The following NAV3 variants were observed in gnomAD, a reference collection of about 807,000 sequenced individuals.
The protein encoded by NAV3 is pore membrane and/or filament interacting like protein 1.
Under a neutral mutation model 244.7 loss-of-function variants are expected in NAV3, and 87 were observed. The ratio of observed to expected loss-of-function variants is 0.36; its 90% CI spans 0.30 to 0.42. The LOEUF (loss-of-function observed/expected upper bound fraction) is 0.42. Among genes scored for constraint, NAV3 ranks in the 20% least tolerant of loss-of-function variants. NAV3 has a pLI of 1.00. For missense variants in NAV3, 2,663 were observed against 2,893.3 expected, an observed-to-expected ratio of 0.92 and a Z score of 1.83; for synonymous variants, 1,126 against 1,042.2, an observed-to-expected ratio of 1.08 and a Z score of -1.55.
chr12:77,632,762 T>C (rs1871971725), intron 2 of NAV3, among the ~76,000 whole-genome samples: 1 of 152,190 alleles, frequency 6.6e-6, no homozygotes, highest in African/African-American at 2.4e-5. Context: ...AATACACCAA[T>C]TTTTGTCTTT....
chr12:78,210,824 G>T lies in NAV3; in HGVS notation c.*307G>T. ...AGATTGCACATGGGATAGCCAAACT[G>T]GACTTTCTTTGTTTCCTCTTTAAAA... On this transcript the variant is annotated 3_prime_UTR_variant, in exon 40 of 40. Transcript: ENST00000397909. 3.5e-6 allele frequency: 1 copy of T among 285,526 alleles called. No homozygotes were observed. The allele number at this position is 285,526 out of a possible 1,614,324, so 17.7% of individuals were successfully genotyped here.
chr12:78,081,293 T>C (rs943850045), intron 12 of NAV3, among the ~76,000 whole-genome samples: 1 of 152,214 alleles, frequency 6.6e-6, no homozygotes, highest in Non-Finnish European at 1.5e-5. Context: ...GGCACTCTTA[T>C]GCCTTTTATG....
intron 2 of NAV3, among the ~76,000 whole-genome samples, chr12:77,791,908 G>A (rs577819019): frequency 1.6e-4 from 24 of 152,184 alleles, no homozygotes; most frequent in Non-Finnish European, 3.2e-4. Flanking sequence ...GTAAGGATAT[G>A]CATAGGTTAT....
At chr12:78,196,128 T>C (rs1959171472) in intron 34 of NAV3, among the ~76,000 whole-genome samples, 1 of 152,076 alleles carries the variant, frequency 6.6e-6, no homozygotes, top group African/African-American at 2.4e-5. Context: ...TCTTTTGAAG[T>C]AAATAGAATT....
chr12:78,011,451 A>G (rs190838851), intron 8 of NAV3, among the ~76,000 whole-genome samples: 2 of 152,288 alleles, frequency 1.3e-5, no homozygotes, highest in Admixed American at 6.5e-5. Context: ...TTAATGTAGA[A>G]AAAAAGAGGG....
intron 1 of NAV3, among the ~76,000 whole-genome samples, chr12:77,846,774 A>C (rs1001665067): frequency 3.3e-5 from 5 of 152,186 alleles, no homozygotes; most frequent in African/African-American, 1.2e-4. Flanking sequence ...TCAAATTAGA[A>C]GTAGCTTCTT....
chr12:77,873,771 T>A (rs1206965757), intron 1 of NAV3, among the ~76,000 whole-genome samples: 1 of 135,114 alleles, frequency 7.4e-6, no homozygotes, highest in African/African-American at 2.6e-5. Flanking sequence ...TATATATGTA[T>A]ATAACAGCAT....
chr12:77,745,873 G>A (rs1378176169), intron 2 of NAV3, among the ~76,000 whole-genome samples: 1 of 151,498 alleles, frequency 6.6e-6, no homozygotes, highest in Non-Finnish European at 1.5e-5. Flanking sequence ...GAACTCTCAA[G>A]TGCATAGGAG....
chr12:77,726,069 A>G (rs1876863108), intron 2 of NAV3, among the ~76,000 whole-genome samples: 1 of 81,776 alleles, frequency 1.2e-5, no homozygotes, highest in African/African-American at 2.6e-5. Flanking sequence ...CCGATTAGCA[A>G]TCTTAATTTT....
chr12:78,092,874 T>G (rs564941067), intron 12 of NAV3, among the ~76,000 whole-genome samples: 13 of 152,312 alleles, frequency 8.5e-5, no homozygotes, highest in Admixed American at 5.2e-4. Flanking sequence ...TATCTTAGGT[T>G]AGGAAATATA....
chr12:77,977,303 G>A (rs912337974), intron 5 of NAV3, among the ~76,000 whole-genome samples: 7 of 152,048 alleles, frequency 4.6e-5, no homozygotes, highest in Non-Finnish European at 7.4e-5. Flanking sequence ...CAATTTGTAT[G>A]TGTCAATTAA....
chr12:77,880,860 A>G (rs537009389), intron 1 of NAV3, among the ~76,000 whole-genome samples: 61 of 152,156 alleles, frequency 4.0e-4, no homozygotes, highest in Non-Finnish European at 6.6e-4. Flanking sequence ...ACTACACTCT[A>G]TGATGTTCAC....
In NAV3 at chr12:77,714,066, A is replaced by T. The variant is rs74106518; in HGVS notation, c.72+141800A>T. 1.1e-3 allele frequency among the ~76,000 whole-genome samples: 164 copies of T among 151,874 alleles called. 1 individual carries two copies. The highest frequency in any genetic ancestry group is 3.5e-3 in the African/African-American group (146 of 41,212). ...TATTTTCTTAGCTTCTTCTGGGAAT[A>T]TAGAATAATATTATACCTAGAGGGC... On this transcript the variant is annotated intron_variant, in intron 2 of 8. Transcript: ENST00000550042.
rs868284644 is a variant in NAV3, at chr12:78,078,400, T to C, written c.2636+19285T>C. ...CTTTTTTTTTTTTTTTTTTTTTTTTTTTTTTTTTTTTTTGAGACGGAGTCT... is the reference window on the plus strand; with the variant it reads ...CTTTTTTTTTTTTTTTTTTTTTTTTCTTTTTTTTTTTTTGAGACGGAGTCT... On this transcript the variant is annotated intron_variant, in intron 12 of 39. Coordinates refer to ENST00000397909, the MANE Select transcript of NAV3 (RefSeq NM_001024383.2). Among the ~76,000 whole-genome samples the C allele has an allele frequency of 1.0e-3, 104 of 99,912 alleles. 4 individuals carry two copies. The South Asian group carries it at 0.013, about 13-fold the overall frequency. The allele number at this position is 99,912 out of a possible 152,430, so 65.5% of individuals were successfully genotyped here. A position where few individuals can be genotyped will look rare whatever the true frequency, so the allele number is the denominator to read the frequency against.
intron 2 of NAV3, among the ~76,000 whole-genome samples, chr12:77,635,202 T>A (rs118150526): frequency 0.025 from 3,764 of 152,044 alleles, 61 homozygotes; most frequent in Middle Eastern, 0.082. Context: ...CACTCCACCC[T>A]TGGTGACAGA....
upstream of NAV3, among the ~76,000 whole-genome samples, chr12:77,830,243 G>C (rs544598555): frequency 6.6e-6 from 1 of 152,218 alleles, no homozygotes; most frequent in African/African-American, 2.4e-5. Flanking sequence ...TTTTAAGTTG[G>C]ACGTCATAAG....
chr12:77,762,959 G>T (rs761518796), intron 2 of NAV3, among the ~76,000 whole-genome samples: 15 of 152,208 alleles, frequency 9.9e-5, no homozygotes, highest in Non-Finnish European at 1.8e-4. Flanking sequence ...CTTACACAGA[G>T]TATGGAGGGA....
chr12:77,940,988 T>A (rs1200184970), intron 2 of NAV3, 93 bp from the exon 3 acceptor site: 6 of 619,842 alleles, frequency 9.7e-6, no homozygotes, highest in Non-Finnish European at 1.6e-5. Flanking sequence ...TTGCTTGGTA[T>A]TTTTTTTTTC....
chr12:77,833,815 ATTTTCCTC>A (rs1030107993), intron 1 of NAV3, among the ~76,000 whole-genome samples: 4 of 151,842 alleles, frequency 2.6e-5, no homozygotes, highest in Non-Finnish European at 4.4e-5. Context: ...CGGAAAGGTG[ATTTTCCTC>A]TGGAGTTGGG....
Sources: gnomAD v4.1 joint callset for allele counts (sites outside exome capture counted in the v4.1 genomes callset) on GRCh38, gnomAD v4.1.1 for gene constraint, MANE v1.5 for transcripts, NCBI Gene and HGNC (gene_info 2026-07-23, HGNC 2026-07-21) for gene names.